The following NDOR1 variants were observed in gnomAD, a reference collection of about 807,000 sequenced individuals.
NDOR1 encodes the protein NADPH dependent diflavin oxidoreductase 1, also known as NADPH-dependent diflavin oxidoreductase 1.
NDOR1 carries 61 observed loss-of-function variants against 67.2 expected under a neutral mutation model. The ratio of observed to expected loss-of-function variants is 0.91; its 90% CI spans 0.74 to 1.12. NDOR1 has a LOEUF of 1.12. NDOR1 is among the 50% of genes most tolerant of loss of function. NDOR1 has a pLI of 0.00. For missense variants in NDOR1, 878 were observed against 802.8 expected (o/e 1.09, Z -1.13); for synonymous variants, 378 against 343.7 (o/e 1.10, Z -1.10).
At position 137,212,855 on chromosome 9, in the gene NDOR1, C is replaced by T. The variant is rs140430724; in HGVS notation, c.311+256C>T. ...GCTGACGTCACACAGGCCTACCTGG[C>T]GCCGGTCCCCACTTTTACAAAAAGG... On this transcript the variant is annotated intron_variant, in intron 3 of 13. Transcript: ENST00000684003. This position sits in a 1 kb window ranked among gnomAD's most constrained non-coding sequence, Gnocchi z 4.3. The T allele has an allele frequency of 8.6e-3, 4,195 of 489,872 alleles. 22 individuals carry two copies. The highest frequency in any genetic ancestry group is 0.012 in the Non-Finnish European group (3,235 of 270,216). The allele number at this position is 489,872 out of a possible 1,614,324, so 30.3% of individuals were successfully genotyped here.
intron 2 of NDOR1, among the ~76,000 whole-genome samples, chr9:137,211,819 G>A (rs532373866): frequency 4.6e-5 from 7 of 151,984 alleles, no homozygotes; most frequent in South Asian, 2.1e-4. Context: ...GGTGGGCGGC[G>A]AAGACCACGC....
In NDOR1 at chr9:137,217,074, T is replaced by A. The variant is rs1588821756; in HGVS notation, c.*658T>A. The A allele has an allele frequency of 5.6e-6, 1 of 179,564 alleles. No individual in the cohort carries two copies. Among genetic ancestry groups the A allele is most frequent in the East Asian group, 1.9e-4 (1 of 5,280 alleles). 11.1% of individuals were successfully genotyped at this position (179,564 alleles called of 1,614,324 possible). A position where few individuals can be genotyped will look rare whatever the true frequency, so the allele number is the denominator to read the frequency against. On this transcript the variant is annotated 3_prime_UTR_variant, in exon 14 of 14. Coordinates refer to ENST00000684003, the MANE Select transcript of NDOR1 (RefSeq NM_014434.4). ...GGTGCCCTGGGTGCTGGGTGCTGGA[T>A]GGATGGGCGTCCTCTAGCTCCTCCC... is the stretch of plus-strand genomic sequence containing the variant.
Position 137,217,952 on chromosome 9 carries a change from G to A in NDOR1, c.*1536G>A. 3 of 398,708 alleles carry A rather than the reference G, an allele frequency of 7.5e-6. No homozygotes were observed. Among genetic ancestry groups the A allele is most frequent in the Non-Finnish European group, 1.3e-5 (3 of 226,130 alleles). The allele number at this position is 398,708 out of a possible 1,614,324, so 24.7% of individuals were successfully genotyped here. Reference sequence around the variant, plus strand: ...AGGGGATGACCTTGGGCACCCCCAAGGTGCTGAGACTACAGCCAGTGAGCC... The same window carrying A: ...AGGGGATGACCTTGGGCACCCCCAAAGTGCTGAGACTACAGCCAGTGAGCC... On this transcript the variant is annotated 3_prime_UTR_variant, in exon 14 of 14. Coordinates refer to ENST00000684003, the MANE Select transcript of NDOR1 (RefSeq NM_014434.4).
Position 137,214,060 on chromosome 9 carries a change from C to A in NDOR1, c.504C>A (p.Pro168=), listed in dbSNP as rs761149847. The part of the protein sequence containing the change: ...PPPPGLTEIP[P]GVPLPSKFTL... ...CTCCGGGCCTCACTGAGATCCCTCCCGGAGTCCCGTGAGTGTGGGCCCCGG... is the reference window on the plus strand; with the variant it reads ...CTCCGGGCCTCACTGAGATCCCTCCAGGAGTCCCGTGAGTGTGGGCCCCGG... The change falls in exon 5 of 14, where the codon CCC becomes CCA. Residue 168 remains proline (P), a synonymous_variant. Coordinates refer to ENST00000684003, the MANE Select transcript of NDOR1 (RefSeq NM_014434.4). 4 of 1,540,556 alleles carry A rather than the reference C, an allele frequency of 2.6e-6. No homozygotes were observed. In the African/African-American group the frequency reaches 4.1e-5, roughly 16 times the overall value.
At chr9:137,206,477 C>T (rs562922746) in intron 2 of NDOR1, among the ~76,000 whole-genome samples, 168 bp downstream of exon 2, 10 of 152,330 alleles carry the variant, frequency 6.6e-5, no homozygotes, top group African/African-American at 1.9e-4. Context: ...GTTGCCCTCT[C>T]TAATAAACTC....
In NDOR1 at chr9:137,215,814, C is replaced by G. The variant is rs1835548697; in HGVS notation, c.1435+9C>G. On this transcript the variant is annotated intron_variant, in intron 11 of 13. Coordinates refer to ENST00000684003, the MANE Select transcript of NDOR1 (RefSeq NM_014434.4). ...GGCCCAGGGCCAGACTGGTGAGCAC[C>G]CAGGGTCTCCGGGCAGGGTTGTTGC... 2 of 1,600,014 alleles carry G rather than the reference C, an allele frequency of 1.2e-6. No individual in the cohort carries two copies. The highest frequency in any genetic ancestry group is 1.3e-5 in the African/African-American group (1 of 74,718).
intron 9 of NDOR1, 71 bp downstream of exon 9, chr9:137,215,273 A>G: frequency 6.4e-7 from 1 of 1,556,158 alleles, no homozygotes; most frequent in East Asian, 2.3e-5. Flanking sequence ...GGGGTTTTGT[A>G]AGCAGGGGCT....
At chr9:137,214,525 C>T (rs1478548066) in intron 6 of NDOR1, 45 bp from the exon 7 acceptor site, 3 of 1,609,394 alleles carry the variant, frequency 1.9e-6, no homozygotes, top group Admixed American at 3.3e-5. Flanking sequence ...GCCCCGACAT[C>T]CTCCCTGCGG....
chr9:137,211,559 G>A (rs1010454096), intron 2 of NDOR1, among the ~76,000 whole-genome samples: 5 of 152,178 alleles, frequency 3.3e-5, no homozygotes, highest in African/African-American at 9.7e-5. Context: ...TTCACCAAAC[G>A]GAGCAGGGAA....
chr9:137,213,616 G>A (rs1380114590), intron 3 of NDOR1, among the ~76,000 whole-genome samples, 164 bp from the exon 4 acceptor site: 1 of 152,082 alleles, frequency 6.6e-6, no homozygotes. Context: ...TGGAGGCCCT[G>A]CCCCCTCCTA....
chr9:137,209,037 G>A (rs565645180), intron 2 of NDOR1, among the ~76,000 whole-genome samples: 5 of 151,934 alleles, frequency 3.3e-5, no homozygotes, highest in South Asian at 2.1e-4. Flanking sequence ...CCGCCACCAC[G>A]CCCAGCTAAT....
At chr9:137,209,176 C>T (rs749014561) in intron 2 of NDOR1, among the ~76,000 whole-genome samples, 7 of 152,296 alleles carry the variant, frequency 4.6e-5, no homozygotes, top group South Asian at 2.1e-4. Flanking sequence ...CCACCACACC[C>T]GGCCAAAACT....
At chr9:137,205,970 G>A in intron 1 of NDOR1, 58 bp downstream of exon 1, 1 of 1,508,454 alleles carries the variant, frequency 6.6e-7, no homozygotes, top group African/African-American at 1.4e-5. Context: ...TGCCCGCCTC[G>A]CGGGGTCATC....
In NDOR1 at chr9:137,215,533, T is replaced by C; in HGVS notation, c.1288+12T>C. On this transcript the variant is annotated intron_variant, in intron 10 of 13. Transcript: ENST00000684003. ...GGACCCTGGGCAAGGTGACCCCTGC[T>C]CCCAGGGTGGGGGCCGTGGGCCCAT... is the stretch of plus-strand genomic sequence containing the variant. 2 of 1,612,456 alleles carry C rather than the reference T, an allele frequency of 1.2e-6. No individual in the cohort carries two copies. Among genetic ancestry groups the C allele is most frequent in the South Asian group, 1.1e-5 (1 of 91,064 alleles).
At chr9:137,211,329 G>A (rs1835246108) in intron 2 of NDOR1, among the ~76,000 whole-genome samples, 2 of 152,350 alleles carry the variant, frequency 1.3e-5, no homozygotes, top group South Asian at 2.1e-4. Flanking sequence ...CCATGCCCAG[G>A]AAGGGCCCTG....
Position 137,215,960 on chromosome 9 carries a change from G to A in NDOR1, c.1497G>A (p.Trp499Ter). The A allele has an allele frequency of 3.7e-6, 6 of 1,613,524 alleles. No homozygotes were observed. The highest frequency in any genetic ancestry group is 4.2e-6 in the Non-Finnish European group (5 of 1,179,992). The change falls in exon 12 of 14, where the codon TGG becomes TGA. Residue 499 changes from tryptophan to a stop codon, truncating the protein, a stop_gained. Coordinates refer to ENST00000684003, the MANE Select transcript of NDOR1 (RefSeq NM_014434.4). LOFTEE classifies it high-confidence loss of function. ...RDQDFYWEAE[W>*]QELEKRDCLT... ...AAGACTTCTACTGGGAGGCTGAGTG[G>A]CAGGAGCTGGAGAAGCGGGACTGTC...
At position 137,205,704 on chromosome 9, in the gene NDOR1, C is replaced by G. The variant is rs62619203; in HGVS notation, c.-74C>G. On this transcript the variant is annotated 5_prime_UTR_variant, in exon 1 of 14. Transcript: ENST00000684003. The stretch of plus-strand genomic sequence containing the variant: ...CGACGGCGGAAGGCGGAAGGCGGAG[C>G]GGTCCCTGCAACCCGGCCGGCGGGA... 3 of 1,588,582 alleles carry G rather than the reference C, an allele frequency of 1.9e-6. No homozygotes were observed. The highest frequency in any genetic ancestry group is 2.7e-5 in the African/African-American group (2 of 74,348).
rs1588818622 is a variant in NDOR1 at position 137,216,156 on chromosome 9, G to A, written c.1617G>A (p.Leu539=). 6.2e-7 allele frequency: 1 copy of A among 1,613,598 alleles called. No individual in the cohort carries two copies. The highest frequency in any genetic ancestry group is 1.3e-5 in the African/African-American group (1 of 75,068). ...RELGSLVWEL[L]DRQGAYFYLA... is the part of the protein sequence containing the mutation. The stretch of plus-strand genomic sequence containing the variant: ...TGGGGTCGCTTGTGTGGGAACTGCT[G>A]GACCGCCAGGGTGCATACTTCTACC... The change falls in exon 13 of 14, where the codon CTG becomes CTA. Residue 539 remains leucine, a synonymous_variant. Coordinates refer to ENST00000684003, the MANE Select transcript of NDOR1 (RefSeq NM_014434.4).
At chr9:137,210,032 G>A (rs575763039) in intron 2 of NDOR1, among the ~76,000 whole-genome samples, 4 of 152,302 alleles carry the variant, frequency 2.6e-5, no homozygotes, top group Non-Finnish European at 4.4e-5. Flanking sequence ...AGTGGAGGTT[G>A]CAGTGAGCCG....
Sources: allele counts gnomAD v4.1 joint callset (sites outside exome capture counted in the v4.1 genomes callset), GRCh38; gene constraint gnomAD v4.1.1; non-coding constraint Gnocchi (gnomAD v3.1); transcripts MANE v1.5; gene names NCBI Gene and HGNC (gene_info 2026-07-23, HGNC 2026-07-21).